The following SUMF1 variants were observed in gnomAD, a reference collection of about 807,000 sequenced individuals.
The protein encoded by SUMF1 is formylglycine-generating enzyme.
Under a neutral mutation model 47.6 loss-of-function variants are expected in SUMF1, and 48 were observed. The ratio of observed to expected loss-of-function variants is 1.01; its 90% confidence interval spans 0.80 to 1.28. The LOEUF (loss-of-function observed/expected upper bound fraction) is 1.28. SUMF1 is among the 50% of genes most tolerant of loss of function. The probability of loss-of-function intolerance (pLI) is 0.00; values close to 1 mark genes in which losing one functional copy is unlikely to be tolerated. For missense variants in SUMF1, 571 were observed against 485.4 expected, an observed-to-expected ratio of 1.18 and a Z score of -1.66; for synonymous variants, 230 against 192.1, an observed-to-expected ratio of 1.20 and a Z score of -1.63.
chr3:4,429,384 G>A (rs1702166710), intron 3 of SUMF1, among the ~76,000 whole-genome samples: 1 of 152,148 alleles, frequency 6.6e-6, no homozygotes, highest in African/African-American at 2.4e-5. Flanking sequence ...GTCTAAAACA[G>A]GGAAATTACA....
At chr3:4,177,709 T>C (rs1459016551) in intron 8 of SUMF1, among the ~76,000 whole-genome samples, 6 of 150,330 alleles carry the variant, frequency 4.0e-5, no homozygotes, top group East Asian at 2.0e-4. Context: ...GTGAAGGAGA[T>C]AGAGACACAA....
At position 4,226,048 on chromosome 3, in the gene SUMF1, C is replaced by T. The variant is rs143086819; in HGVS notation, c.1014+150282G>A. Among the ~76,000 whole-genome samples the T allele has an allele frequency of 2.7e-4, 41 of 152,170 alleles. 1 individual carries two copies. Among genetic ancestry groups the T allele is most frequent in the African/African-American group, 8.4e-4 (35 of 41,548 alleles). ...CATAAAGATGACTGATTAACCTCTA[C>T]CATGATTCCCTCAACTGGAGAAACT... On this transcript the variant is annotated intron_variant and NMD_transcript_variant, in intron 8 of 12. Transcript: ENST00000448413.
At chr3:4,072,612 G>A (rs1381556547) in intron 8 of SUMF1, among the ~76,000 whole-genome samples, 3 of 152,134 alleles carry the variant, frequency 2.0e-5, no homozygotes, top group South Asian at 2.1e-4. Flanking sequence ...TGGCTAACTA[G>A]AATAACCAGC....
chr3:4,129,830 C>A (rs1478189381), intron 8 of SUMF1, among the ~76,000 whole-genome samples: 1 of 152,046 alleles, frequency 6.6e-6, no homozygotes, highest in Non-Finnish European at 1.5e-5. Flanking sequence ...TAGCTCAGGT[C>A]CAACTTACAC....
chr3:4,190,115 T>G (rs1695283497), intron 8 of SUMF1, among the ~76,000 whole-genome samples: 1 of 152,146 alleles, frequency 6.6e-6, no homozygotes, highest in African/African-American at 2.4e-5. Flanking sequence ...ATGATTACTT[T>G]TTTAAAAAAA....
chr3:4,051,011 G>T (rs1045696396), intron 9 of SUMF1, among the ~76,000 whole-genome samples: 1 of 151,686 alleles, frequency 6.6e-6, no homozygotes, highest in Non-Finnish European at 1.5e-5. Flanking sequence ...TGCTGATATT[G>T]TTGATTGTCT....
At chr3:4,256,405 T>C (rs1230151410) in intron 8 of SUMF1, among the ~76,000 whole-genome samples, 2 of 134,010 alleles carry the variant, frequency 1.5e-5, no homozygotes, top group South Asian at 2.6e-4. Flanking sequence ...AAGAATCAAA[T>C]AGACACAATA....
chr3:4,234,194 A>T (rs1696360577), intron 8 of SUMF1, among the ~76,000 whole-genome samples: 1 of 152,084 alleles, frequency 6.6e-6, no homozygotes, highest in South Asian at 2.1e-4. Context: ...AACCTTTCTG[A>T]CCCTCTGTTT....
chr3:4,051,495 T>C (rs1268128041), intron 9 of SUMF1, among the ~76,000 whole-genome samples: 1 of 152,144 alleles, frequency 6.6e-6, no homozygotes, highest in Non-Finnish European at 1.5e-5. Context: ...TTAAATATTA[T>C]TGTATTCCCA....
intron 8 of SUMF1, among the ~76,000 whole-genome samples, chr3:4,324,673 T>A (rs907434663): frequency 6.6e-6 from 1 of 152,128 alleles, no homozygotes; most frequent in African/African-American, 2.4e-5. Context: ...GAAGTAAACA[T>A]GTGAAAAGAG....
chr3:4,126,589 A>T (rs1693659792), intron 8 of SUMF1, among the ~76,000 whole-genome samples: 1 of 152,116 alleles, frequency 6.6e-6, no homozygotes, highest in Non-Finnish European at 1.5e-5. Context: ...AGCTAACTTC[A>T]GCAACAGGAG....
At chr3:4,176,059 T>A (rs929554489) in intron 8 of SUMF1, among the ~76,000 whole-genome samples, 2 of 152,190 alleles carry the variant, frequency 1.3e-5, no homozygotes, top group African/African-American at 4.8e-5. Flanking sequence ...AATCTACATT[T>A]GATTGTTGTA....
At chr3:4,443,512 T>C (rs1475428941) in intron 3 of SUMF1, among the ~76,000 whole-genome samples, 2 of 151,858 alleles carry the variant, frequency 1.3e-5, no homozygotes, top group Non-Finnish European at 2.9e-5. Context: ...GCACGTAATA[T>C]CAGCACTTTG....
chr3:4,448,074 A>G (rs556470224), intron 3 of SUMF1, among the ~76,000 whole-genome samples: 1 of 152,290 alleles, frequency 6.6e-6, no homozygotes, highest in East Asian at 1.9e-4. Context: ...ATATCAGATT[A>G]CATATTAGAC....
intron 7 of SUMF1, among the ~76,000 whole-genome samples, chr3:4,383,077 G>GA (rs66973528): frequency 3.3e-5 from 5 of 150,374 alleles, no homozygotes; most frequent in African/African-American, 1.2e-4. Context: ...ATAATAAAAA[G>GA]AAAAAAAAAA....
At chr3:4,297,672 G>A (rs759360856) in intron 8 of SUMF1, among the ~76,000 whole-genome samples, 21 of 150,566 alleles carry the variant, frequency 1.4e-4, no homozygotes, top group Non-Finnish European at 3.1e-4. Flanking sequence ...GCTTCCCAAG[G>A]CACTGGGATT....
At chr3:4,456,797 T>TATACGTGTGTGTATATATAC (rs2079637074) in intron 1 of SUMF1, among the ~76,000 whole-genome samples, 1 of 26,736 alleles carries the variant, frequency 3.7e-5, no homozygotes, top group African/African-American at 1.5e-4. Flanking sequence ...TGTGTATATA[T>TATACGTGTGTGTATATATAC]ACGTGTATAT....
chr3:4,449,188 A>G (rs1702882894), intron 3 of SUMF1, 78 bp downstream of exon 3: 2 of 1,474,512 alleles, frequency 1.4e-6, no homozygotes, highest in Admixed American at 1.7e-5. Context: ...AAGGTGACAC[A>G]TGTGGTTTGG....
At chr3:4,432,536 C>CGGA (rs1702265452) in intron 3 of SUMF1, among the ~76,000 whole-genome samples, 4 of 152,276 alleles carry the variant, frequency 2.6e-5, no homozygotes, top group Admixed American at 2.6e-4. Context: ...CACAGTCCCC[C>CGGA]TTGTTCCTCA....
Sources: gnomAD v4.1 joint callset for allele counts (sites outside exome capture counted in the v4.1 genomes callset) on GRCh38, gnomAD v4.1.1 for gene constraint, MANE v1.5 for transcripts, NCBI Gene and HGNC (gene_info 2026-07-23, HGNC 2026-07-21) for gene names.